KCNJ14: variants seen among roughly 807,000 people sequenced by gnomAD.
The protein encoded by KCNJ14 is ATP-sensitive inward rectifier potassium channel 14.
KCNJ14 carries 18 observed loss-of-function variants against 24.5 expected under a neutral mutation model. The observed-to-expected ratio is 0.74, with a 90% confidence interval of 0.51 to 1.09. The LOEUF (loss-of-function observed/expected upper bound fraction) is 1.09, where lower values mean the gene tolerates loss of function less well. KCNJ14 is among the 50% of genes least tolerant of loss of function. The pLI is 0.00. For synonymous variants in KCNJ14, 288 were observed against 270.8 expected (o/e 1.06, Z -0.63); for missense variants, 633 against 623.0 (o/e 1.02, Z -0.17).
In KCNJ14 at chr19:48,464,513, C is replaced by A; in HGVS notation, c.1047C>A (p.Phe349Leu). 3 of 1,614,200 alleles carry A rather than the reference C, an allele frequency of 1.9e-6. No individual in the cohort carries two copies. Among genetic ancestry groups the A allele is most frequent in the Non-Finnish European group, 2.5e-6 (3 of 1,180,032 alleles). ...AGTATGAGGTCGACTATCGCCACTT[C>A]CATCGCACTTATGAGGTCCCAGGGA... ...GSQYEVDYRHFHRTYEVPGTP... is the reference protein window; with the variant it reads ...GSQYEVDYRHLHRTYEVPGTP... Residue 349 changes from phenylalanine (F) to leucine (L), a missense_variant, in exon 3 of 3, where the codon TTC (phenylalanine) becomes TTA (leucine). Phe to Leu is a conservative substitution (Grantham distance 22). Coordinates refer to ENST00000342291, the MANE Select transcript of KCNJ14 (RefSeq NM_013348.4).
In KCNJ14 at chr19:48,462,144, C is replaced by G. The variant is rs1224194030; in HGVS notation, c.420C>G (p.Phe140Leu). 6.3e-7 allele frequency: 1 copy of G among 1,591,340 alleles called. No individual in the cohort carries two copies. The highest frequency in any genetic ancestry group is 1.3e-5 in the African/African-American group (1 of 74,626). ...HVASFLAAFL[F>L]ALETQTSIGY... is the part of the protein sequence containing the mutation. ...CCAGCTTCCTGGCCGCCTTCCTCTT[C>G]GCGCTGGAGACGCAGACGTCCATCG... Residue 140 changes from phenylalanine to leucine, a missense_variant, in exon 2 of 3, where the codon TTC becomes TTG. Coordinates refer to ENST00000342291, the MANE Select transcript of KCNJ14 (RefSeq NM_013348.4). The surrounding 1 kb of genome is among the most constrained non-coding windows in gnomAD (Gnocchi z 4.9).
At chr19:48,457,183 C>G (rs888570009) in intron 1 of KCNJ14, among the ~76,000 whole-genome samples, 4 of 152,100 alleles carry the variant, frequency 2.6e-5, no homozygotes, top group African/African-American at 9.7e-5. Flanking sequence ...GCCATGTTCC[C>G]TAAGCTGGTT....
At position 48,462,079 on chromosome 19, in the gene KCNJ14, G is replaced by C. The variant is rs548705242; in HGVS notation, c.355G>C (p.Ala119Pro). 273 of 1,605,754 alleles carry C rather than the reference G, an allele frequency of 1.7e-4. 4 individuals are homozygous for C. The East Asian group carries it at 6.0e-3, about 35-fold the overall frequency. Residue 119 changes from alanine (A) to proline (P), a missense_variant, in exon 2 of 3, where the codon GCC (alanine) becomes CCC (proline). By Grantham distance (27) the Ala-to-Pro change is conservative (BLOSUM62 -1). Coordinates refer to ENST00000342291, the MANE Select transcript of KCNJ14 (RefSeq NM_013348.4). This position sits in a 1 kb window ranked among gnomAD's most constrained non-coding sequence, Gnocchi z 4.9. ...CATTGCCTCGCTGCACGGCGACCTGGCCGCCCCGCCACCGCCCGCGCCCTG... is the reference window on the plus strand; with the variant it reads ...CATTGCCTCGCTGCACGGCGACCTGCCCGCCCCGCCACCGCCCGCGCCCTG... ...WLIASLHGDL[A>P]APPPPAPCFS...
intron 1 of KCNJ14, among the ~76,000 whole-genome samples, chr19:48,460,774 G>A (rs1424850938): frequency 6.6e-6 from 1 of 152,202 alleles, no homozygotes; most frequent in African/African-American, 2.4e-5. Context: ...TGTGGCACTT[G>A]CTATAATATC....
At chr19:48,458,935 CAAA>C (rs34990679) in intron 1 of KCNJ14, among the ~76,000 whole-genome samples, 93 of 38,634 alleles carry the variant, frequency 2.4e-3, no homozygotes, top group Non-Finnish European at 3.4e-3. Context: ...GACTCCGTCT[CAAA>C]AAAAAAAAAA....
rs956123301 is a variant in KCNJ14 at position 48,462,855 on chromosome 19, T to C, written c.714+417T>C. On this transcript the variant is annotated intron_variant, in intron 2 of 2. Coordinates refer to ENST00000342291, the MANE Select transcript of KCNJ14 (RefSeq NM_013348.4). This position sits in a 1 kb window ranked among gnomAD's most constrained non-coding sequence, Gnocchi z 4.9. ...CTGCGTGACCGTTCTATTACTCGGG[T>C]GTACAATTCCCACTGGACACTGTGG... Among the ~76,000 whole-genome samples the C allele has an allele frequency of 2.6e-5, 4 of 152,034 alleles. No homozygotes were observed. The highest frequency in any genetic ancestry group is 9.7e-5 in the African/African-American group (4 of 41,392).
chr19:48,462,430 C>G lies in KCNJ14; in HGVS notation c.706C>G (p.Leu236Val), dbSNP rs1345563618. The change falls in exon 2 of 3, where the codon CTG (leucine) becomes GTG (valine). Residue 236 changes from leucine (L) to valine (V), a missense_variant. Transcript: ENST00000342291. The surrounding 1 kb of genome is among the most constrained non-coding windows in gnomAD (Gnocchi z 4.9). ...GGTCGAGGCCCACGTGCGTGCCCAGCTGCTGCAGGTGCGCCCGGGAGGAGA... is the reference window on the plus strand; with the variant it reads ...GGTCGAGGCCCACGTGCGTGCCCAGGTGCTGCAGGTGCGCCCGGGAGGAGA... ...HLVEAHVRAQ[L>V]LQPRVTPEGE... is the part of the protein sequence containing the mutation. 6.8e-7 allele frequency: 1 copy of G among 1,476,454 alleles called. No individual in the cohort carries two copies. The highest frequency in any genetic ancestry group is 1.4e-5 in the South Asian group (1 of 73,066). The allele number at this position is 1,476,454 out of a possible 1,614,324, so 91.5% of individuals were successfully genotyped here.
Position 48,461,747 on chromosome 19 carries a change from G to A in KCNJ14, c.23G>A (p.Arg8His). Reference sequence around the variant, plus strand: ...CCAATGGGCCTGGCCAGGGCCCTACGCCGCCTCAGCGGCGCCCTGGATTCG... The same window carrying A: ...CCAATGGGCCTGGCCAGGGCCCTACACCGCCTCAGCGGCGCCCTGGATTCG... MGLARAL[R>H]RLSGALDSGD... Residue 8 changes from arginine to histidine, a missense_variant, in exon 2 of 3, where the codon CGC becomes CAC. Arg to His is a conservative substitution (Grantham distance 29, BLOSUM62 0). Coordinates refer to ENST00000342291, the MANE Select transcript of KCNJ14 (RefSeq NM_013348.4). 2 of 1,438,072 alleles carry A rather than the reference G, an allele frequency of 1.4e-6. No homozygotes were observed. Among genetic ancestry groups the A allele is most frequent in the Non-Finnish European group, 1.8e-6 (2 of 1,099,554 alleles). 89.1% of individuals were successfully genotyped at this position (1,438,072 alleles called of 1,614,324 possible). A position where few individuals can be genotyped will look rare whatever the true frequency, so the allele number is the denominator to read the frequency against.
Position 48,464,203 on chromosome 19 carries a change from A to T in KCNJ14, c.737A>T (p.Glu246Val). 6.2e-7 allele frequency: 1 copy of T among 1,613,854 alleles called. No homozygotes were observed. The highest frequency in any genetic ancestry group is 1.3e-5 in the African/African-American group (1 of 74,982). Residue 246 changes from glutamate to valine, a missense_variant, in exon 3 of 3, where the codon GAG (glutamate) becomes GTG (valine). Physicochemically the swap from Glu to Val is moderately radical, Grantham distance 121. Coordinates refer to ENST00000342291, the MANE Select transcript of KCNJ14 (RefSeq NM_013348.4). ...CAGCCCCGTGTGACCCCAGAGGGTG[A>T]GTACATCCCGCTGGACCACCAGGAT... ...LLQPRVTPEG[E>V]YIPLDHQDVD...
At chr19:48,456,604 C>CAGGCT (rs1416601838) in intron 1 of KCNJ14, 2 of 152,224 alleles carry the variant, frequency 1.3e-5, no homozygotes, top group Non-Finnish European at 2.9e-5. Context: ...TGGAGTGTGC[C>CAGGCT]AGGCCCTGCC....
intron 2 of KCNJ14, 99 bp from the exon 3 acceptor site, chr19:48,464,082 G>C (rs1430732365): frequency 2.4e-6 from 2 of 839,250 alleles, no homozygotes; most frequent in Admixed American, 1.8e-5. Context: ...CACTCCTGTG[G>C]TCTTTGCCTT....
In KCNJ14 at chr19:48,462,216, C is replaced by A. The variant is rs1316768400; in HGVS notation, c.492C>A (p.Ala164=). 8 of 1,552,322 alleles carry A rather than the reference C, an allele frequency of 5.2e-6. No individual in the cohort carries two copies. In the South Asian group the frequency reaches 5.9e-5, roughly 11 times the overall value. Residue 164 remains alanine (A), a synonymous_variant, in exon 2 of 3, where the codon GCC becomes GCA. Coordinates refer to ENST00000342291, the MANE Select transcript of KCNJ14 (RefSeq NM_013348.4). The surrounding 1 kb of genome is among the most constrained non-coding windows in gnomAD (Gnocchi z 4.9). The part of the protein sequence containing the change: ...SVTEECPAAV[A]AVVLQCIAGC... ...CCGAGGAGTGCCCGGCCGCTGTGGCCGCCGTGGTGCTGCAGTGCATTGCCG... is the reference window on the plus strand; with the variant it reads ...CCGAGGAGTGCCCGGCCGCTGTGGCAGCCGTGGTGCTGCAGTGCATTGCCG...
chr19:48,463,152 C>T (rs568717389), intron 2 of KCNJ14, among the ~76,000 whole-genome samples: 2 of 152,268 alleles, frequency 1.3e-5, no homozygotes, highest in South Asian at 2.1e-4. Flanking sequence ...GGGGCCTTAG[C>T]GTTCCTAGAA....
chr19:48,456,854 A>ATTAT (rs938597188), intron 1 of KCNJ14: 2 of 151,530 alleles, frequency 1.3e-5, no homozygotes, highest in African/African-American at 4.9e-5. Flanking sequence ...TTTATTTTTA[A>ATTAT]TTATTTATTT....
intron 1 of KCNJ14, among the ~76,000 whole-genome samples, chr19:48,460,883 G>C (rs2147492752): frequency 6.6e-6 from 1 of 152,072 alleles, no homozygotes; most frequent in South Asian, 2.1e-4. Context: ...GGGCCAGGTG[G>C]GGTGGCTCAG....
In KCNJ14 at chr19:48,463,470, G is replaced by C. The variant is rs1222845112; in HGVS notation, c.715-711G>C. ...AGTCGGTGGGGCAGTGACTTGGCCT[G>C]GGAGGTGGCTATGGAACCAGCGGGT... On this transcript the variant is annotated intron_variant, in intron 2 of 2. Transcript: ENST00000342291. Among the ~76,000 whole-genome samples, 6 of 152,268 alleles carry C rather than the reference G, an allele frequency of 3.9e-5. No individual in the cohort carries two copies. In the South Asian group the frequency reaches 1.2e-3, roughly 32 times the overall value.
intron 1 of KCNJ14, among the ~76,000 whole-genome samples, chr19:48,458,497 C>G (rs1326496727): frequency 6.6e-6 from 1 of 152,184 alleles, no homozygotes; most frequent in African/African-American, 2.4e-5. Flanking sequence ...AACGTCTGTA[C>G]AGATCCTTTG....
chr19:48,458,634 T>G (rs1433134802), intron 1 of KCNJ14, among the ~76,000 whole-genome samples: 1 of 152,140 alleles, frequency 6.6e-6, no homozygotes, highest in Non-Finnish European at 1.5e-5. Flanking sequence ...GGTCTCAAAC[T>G]CCTGAGCTCA....
intron 1 of KCNJ14, 119 bp from the exon 2 acceptor site, chr19:48,461,541 AAAAAAAAAAT>A (rs1971596201): frequency 2.0e-5 from 8 of 391,960 alleles, no homozygotes; most frequent in South Asian, 1.0e-4. Flanking sequence ...AAAAAAAAAA[AAAAAAAAAAT>A]GCGTATCGTT....
Sources: gnomAD v4.1 joint callset for allele counts (sites outside exome capture counted in the v4.1 genomes callset) on GRCh38, gnomAD v4.1.1 for gene constraint, Gnocchi (gnomAD v3.1) non-coding constraint, MANE v1.5 for transcripts, NCBI Gene and HGNC (gene_info 2026-07-23, HGNC 2026-07-21) for gene names.